The following TSPAN2 variants were observed in gnomAD, a reference collection of about 807,000 sequenced individuals.
The protein encoded by TSPAN2 is tetraspanin 2, also known as tetraspanin-2.
Under a neutral mutation model 33.3 loss-of-function variants are expected in TSPAN2, and 24 were observed. The ratio of observed to expected loss-of-function variants is 0.72; its 90% confidence interval spans 0.52 to 1.01. The LOEUF is 1.01. TSPAN2 is among the 50% of genes least tolerant of loss of function. The probability of loss-of-function intolerance (pLI) is 0.00; values close to 1 mark genes in which losing one functional copy is unlikely to be tolerated. For synonymous variants in TSPAN2, 114 were observed against 104.5 expected (o/e 1.09, Z -0.56); for missense variants, 278 against 281.3 (o/e 0.99, Z 0.08).
intron 6 of TSPAN2, among the ~76,000 whole-genome samples, chr1:115,056,833 C>T (rs985670526): frequency 6.6e-6 from 1 of 152,142 alleles, no homozygotes; most frequent in African/African-American, 2.4e-5. Context: ...GGCAGCTGAT[C>T]AATACTGAAT....
intron 1 of TSPAN2, among the ~76,000 whole-genome samples, chr1:115,083,947 C>A (rs577430854): frequency 6.6e-6 from 1 of 152,290 alleles, no homozygotes; most frequent in East Asian, 1.9e-4. Context: ...ATGAGTGCCT[C>A]AAGATCAAGG....
At position 115,048,142 on chromosome 1, in the gene TSPAN2, G is replaced by A. The variant is rs1048690925; in HGVS notation, c.*2348C>T. On this transcript the variant is annotated 3_prime_UTR_variant, in exon 8 of 8. Coordinates refer to ENST00000369516, the MANE Select transcript of TSPAN2 (RefSeq NM_005725.6). Reference sequence around the variant, plus strand: ...AATCTCAAATTAGTTCAGGGGAACAGAAATAGCTGAAAATTTATGTATATG... The same window carrying A: ...AATCTCAAATTAGTTCAGGGGAACAAAAATAGCTGAAAATTTATGTATATG... 2 of 150,356 alleles carry A rather than the reference G, an allele frequency of 1.3e-5. No homozygotes were observed. Among genetic ancestry groups the A allele is most frequent in the South Asian group, 4.2e-4 (2 of 4,744 alleles). The allele number at this position is 150,356 out of a possible 1,614,324, so 9.3% of individuals were successfully genotyped here.
At position 115,088,579 on chromosome 1, in the gene TSPAN2, T is replaced by C. The variant is rs1206878919; in HGVS notation, c.69+785A>G. On this transcript the variant is annotated intron_variant, in intron 1 of 7. Transcript: ENST00000369516. ...ATATAGGAGACAAGGGTCAAGATCC[T>C]ATCTCTCTGTGAACCATGAATCCTG... 1.3e-5 allele frequency among the ~76,000 whole-genome samples: 2 copies of C among 152,182 alleles called. 1 individual carries two copies. Among genetic ancestry groups the C allele is most frequent in the African/African-American group, 4.8e-5 (2 of 41,450 alleles).
chr1:115,072,796 G>T, intron 2 of TSPAN2, 109 bp downstream of exon 2: 1 of 932,856 alleles, frequency 1.1e-6, no homozygotes, highest in Non-Finnish European at 1.7e-6. Flanking sequence ...GTCTTTCCCT[G>T]CCTCTCTGCC....
At chr1:115,078,285 C>A (rs1172583047) in intron 1 of TSPAN2, among the ~76,000 whole-genome samples, 1 of 152,186 alleles carries the variant, frequency 6.6e-6, no homozygotes, top group Admixed American at 6.5e-5. Flanking sequence ...AAGGCCTAAG[C>A]TCTGTGAGGG....
chr1:115,088,482 C>T (rs1347490800), intron 1 of TSPAN2, among the ~76,000 whole-genome samples: 1 of 152,198 alleles, frequency 6.6e-6, no homozygotes, highest in East Asian at 1.9e-4. Context: ...GACCTTGTCT[C>T]ACAGTCCTGC....
chr1:115,058,738 T>C, intron 5 of TSPAN2, 145 bp downstream of exon 5: 1 of 710,656 alleles, frequency 1.4e-6, no homozygotes, highest in Non-Finnish European at 2.5e-6. Context: ...TAATGCAAAC[T>C]GTGGCCCTCA....
At chr1:115,056,451 C>A (rs781583754) in intron 6 of TSPAN2, among the ~76,000 whole-genome samples, 1 of 152,154 alleles carries the variant, frequency 6.6e-6, no homozygotes, top group Non-Finnish European at 1.5e-5. Flanking sequence ...TATTAGTAGA[C>A]CTTCTTAGGC....
intron 1 of TSPAN2, among the ~76,000 whole-genome samples, chr1:115,088,888 C>T (rs1363832374): frequency 6.6e-6 from 1 of 152,206 alleles, no homozygotes; most frequent in African/African-American, 2.4e-5. Flanking sequence ...ACAGTGTCCA[C>T]ACACTCGAAT....
chr1:115,056,233 A>G (rs1470724979), intron 6 of TSPAN2, among the ~76,000 whole-genome samples: 1 of 152,172 alleles, frequency 6.6e-6, no homozygotes, highest in East Asian at 1.9e-4. Flanking sequence ...TTAATTTTCT[A>G]TATTTTCTAT....
At chr1:115,069,519 C>A (rs532472483) in intron 2 of TSPAN2, among the ~76,000 whole-genome samples, 1 of 152,290 alleles carries the variant, frequency 6.6e-6, no homozygotes, top group Non-Finnish European at 1.5e-5. Flanking sequence ...CACTGACGGC[C>A]GTTTTATCAC....
chr1:115,062,481 C>T (rs1359939048), intron 2 of TSPAN2, among the ~76,000 whole-genome samples: 1 of 152,170 alleles, frequency 6.6e-6, no homozygotes, highest in Non-Finnish European at 1.5e-5. Flanking sequence ...CCCAACACTC[C>T]GACTCTGTCT....
chr1:115,089,344 C>T lies in TSPAN2; in HGVS notation c.69+20G>A, dbSNP rs2101054224. 2 of 1,563,118 alleles carry T rather than the reference C, an allele frequency of 1.3e-6. No individual in the cohort carries two copies. Among genetic ancestry groups the T allele is most frequent in the East Asian group, 4.8e-5 (2 of 41,642 alleles). On this transcript the variant is annotated intron_variant, in intron 1 of 7. Coordinates refer to ENST00000369516, the MANE Select transcript of TSPAN2 (RefSeq NM_005725.6). ...ACCCGGCCCCCTGCCCTGACCGGCC[C>T]TCCCGGCTCCTGGTCTCACCCAGAA... is the stretch of plus-strand genomic sequence containing the variant.
intron 1 of TSPAN2, among the ~76,000 whole-genome samples, chr1:115,086,254 A>G (rs1215101575): frequency 1.3e-5 from 2 of 152,234 alleles, no homozygotes; most frequent in African/African-American, 4.8e-5. Context: ...CTCCAATAGC[A>G]CAGATGAGAA....
At chr1:115,073,628 G>A (rs2101040309) in intron 1 of TSPAN2, among the ~76,000 whole-genome samples, 1 of 151,808 alleles carries the variant, frequency 6.6e-6, no homozygotes, top group Admixed American at 6.6e-5. Flanking sequence ...GGATGGTTTT[G>A]CTGGTAGGGA....
rs1675276214 is a variant in TSPAN2 at position 115,050,248 on chromosome 1, T to C, written c.*242A>G. ...TTCCCAGCAAACAGATTTCATTACGTATAAAGCATATTCCAGAAACACGCA... is the reference window on the plus strand; with the variant it reads ...TTCCCAGCAAACAGATTTCATTACGCATAAAGCATATTCCAGAAACACGCA... On this transcript the variant is annotated 3_prime_UTR_variant, in exon 8 of 8. Transcript: ENST00000369516. The C allele has an allele frequency of 5.8e-6, 3 of 520,868 alleles. No homozygotes were observed. The allele number at this position is 520,868 out of a possible 1,614,324, so 32.3% of individuals were successfully genotyped here.
Position 115,053,408 on chromosome 1 carries a change from T to A in TSPAN2, c.571A>T (p.Ile191Phe). Residue 191 changes from isoleucine to phenylalanine, a missense_variant, in exon 7 of 8, where the codon ATT becomes TTT. Physicochemically the swap from Ile to Phe is conservative, Grantham distance 21. Coordinates refer to ENST00000369516, the MANE Select transcript of TSPAN2 (RefSeq NM_005725.6). Reference sequence around the variant, plus strand: ...AGACCTGCAATTCCAATACCGACAATTCCAATGAGCTGGAGCTTAACACTG... The same window carrying A: ...AGACCTGCAATTCCAATACCGACAAATCCAATGAGCTGGAGCTTAACACTG... Reference protein sequence around the residue: ...IISVKLQLIGIVGIGIAGLTI... With the variant: ...IISVKLQLIGFVGIGIAGLTI... The A allele has an allele frequency of 5.6e-6, 9 of 1,613,942 alleles. No homozygotes were observed. The highest frequency in any genetic ancestry group is 7.6e-6 in the Non-Finnish European group (9 of 1,179,894).
intron 6 of TSPAN2, among the ~76,000 whole-genome samples, chr1:115,055,116 A>C (rs1647342487): frequency 6.6e-6 from 1 of 152,198 alleles, no homozygotes; most frequent in Admixed American, 6.5e-5. Flanking sequence ...GCCTCTCCTT[A>C]TCCATTGACA....
At chr1:115,066,367 C>T (rs545036408) in intron 2 of TSPAN2, among the ~76,000 whole-genome samples, 15 of 152,292 alleles carry the variant, frequency 9.8e-5, no homozygotes, top group South Asian at 8.3e-4. Context: ...CAATAGTGTA[C>T]GAGGCTTCCC....
Sources: gnomAD v4.1 joint callset for allele counts (sites outside exome capture counted in the v4.1 genomes callset) on GRCh38, gnomAD v4.1.1 for gene constraint, MANE v1.5 for transcripts, NCBI Gene and HGNC (gene_info 2026-07-23, HGNC 2026-07-21) for gene names.